The following DGKK variants were observed in gnomAD, a reference collection of about 807,000 sequenced individuals.
DGKK encodes the protein 142 kDa diacylglycerol kinase.
Under a neutral mutation model 92.2 loss-of-function variants are expected in DGKK, and 35 were observed. That is an observed-to-expected ratio of 0.38 (90% CI 0.29 to 0.50). The LOEUF (loss-of-function observed/expected upper bound fraction) is 0.50. Ranked by LOEUF, DGKK falls within the 20% of genes least tolerant of loss-of-function variation. The pLI is 0.92. For synonymous variants in DGKK, 368 were observed against 360.6 expected (o/e 1.02, Z -0.23); for missense variants, 910 against 992.2 (o/e 0.92, Z 1.11).
At position 50,468,757 on chromosome X, in the gene DGKK, A is replaced by G. The variant is rs534632783; in HGVS notation, c.645+1277T>C. ...CCTCCCCTCCCGCATTCTACATTCT[A>G]TAAGTGTGCGGTCCACAGCAGAAGG... On this transcript the variant is annotated intron_variant, in intron 1 of 27. Coordinates refer to ENST00000611977, the MANE Select transcript of DGKK (RefSeq NM_001013742.4). 1.5e-4 allele frequency among the ~76,000 whole-genome samples: 17 copies of G among 110,061 alleles called. No individual in the cohort carries two copies. In the South Asian group the frequency reaches 2.4e-3, roughly 16 times the overall value.
chrX:50,417,101 G>A (rs1416187831), intron 4 of DGKK, among the ~76,000 whole-genome samples: 1 of 104,937 alleles, frequency 9.5e-6, no homozygotes, highest in African/African-American at 3.5e-5. Flanking sequence ...GAATTTTGAA[G>A]TTCATCTAGT....
At chrX:50,441,086 C>T (rs190494773) in intron 1 of DGKK, among the ~76,000 whole-genome samples, 1 of 111,426 alleles carries the variant, frequency 9.0e-6, no homozygotes, top group East Asian at 2.8e-4. Context: ...CATGGTGAAA[C>T]TCTTTTCCAG....
At chrX:50,403,446 G>A (rs781821255) in intron 6 of DGKK, 45 bp downstream of exon 6, 1 of 1,105,866 alleles carries the variant, frequency 9.0e-7, no homozygotes, top group East Asian at 3.0e-5. Context: ...TGGTTGAAGG[G>A]GACATGGGAG....
At chrX:50,462,390 C>CTTTT (rs782504562) in intron 1 of DGKK, among the ~76,000 whole-genome samples, 3 of 60,463 alleles carry the variant, frequency 5.0e-5, no homozygotes, top group African/African-American at 2.2e-4. Flanking sequence ...GAAGTGAGTG[C>CTTTT]TTTTTTTTTT....
Position 50,464,717 on chromosome X carries a change from T to A in DGKK, c.645+5317A>T, listed in dbSNP as rs782097050. ...TTTTTGTTTTTGGGAGAATAATAGG[T>A]CTCTTATCTTGTGGTTAGAGGGATG... On this transcript the variant is annotated intron_variant, in intron 1 of 27. Transcript: ENST00000611977. 1.4e-4 allele frequency among the ~76,000 whole-genome samples: 15 copies of A among 111,021 alleles called. No individual in the cohort carries two copies. In the South Asian group the frequency reaches 5.8e-3, roughly 43 times the overall value.
At chrX:50,432,993 G>T (rs1766474066) in intron 1 of DGKK, among the ~76,000 whole-genome samples, 1 of 111,871 alleles carries the variant, frequency 8.9e-6, no homozygotes, top group Non-Finnish European at 1.9e-5. Flanking sequence ...TGGTAACCTG[G>T]CCCTTGGTAA....
intron 1 of DGKK, among the ~76,000 whole-genome samples, chrX:50,467,824 G>T (rs1470288502): frequency 8.9e-6 from 1 of 112,566 alleles, no homozygotes; most frequent in Non-Finnish European, 1.9e-5. Context: ...AACATTGAGG[G>T]TGTTGTAAAA....
intron 4 of DGKK, among the ~76,000 whole-genome samples, chrX:50,407,209 T>C (rs1925177309): frequency 8.9e-6 from 1 of 112,106 alleles, no homozygotes; most frequent in Non-Finnish European, 1.9e-5. Context: ...AGGTGCATCT[T>C]GGTTTCTCTT....
chrX:50,452,569 C>T (rs782481173), intron 1 of DGKK, among the ~76,000 whole-genome samples: 80 of 111,792 alleles, frequency 7.2e-4, no homozygotes, highest in African/African-American at 2.4e-3. Context: ...CAGCACAGTC[C>T]TGAGATGCAC....
Position 50,447,386 on chromosome X carries a change from A to AT in DGKK, c.645+22647dup, listed in dbSNP as rs1557232068. Among the ~76,000 whole-genome samples the AT allele has an allele frequency of 1.4e-3, 25 of 18,057 alleles. 1 individual carries two copies. Among genetic ancestry groups the AT allele is most frequent in the African/African-American group, 9.8e-3 (25 of 2,539 alleles). 15.7% of individuals were successfully genotyped at this position (18,057 alleles called of 115,157 possible). A position where few individuals can be genotyped will look rare whatever the true frequency, so the allele number is the denominator to read the frequency against. ...TATATATATTATATATATATATAAT[A>AT]TATATATATTATATATATATATAAT... On this transcript the variant is annotated intron_variant, in intron 1 of 27. Transcript: ENST00000611977.
rs945797339 is a variant in DGKK, at chrX:50,367,056, T to G, written c.*1884A>C. ...TATCCCCTTGTTAATATTTTTCTCCTCACCCCTGCGGAGGTGGAGCACAGG... is the reference window on the plus strand; with the variant it reads ...TATCCCCTTGTTAATATTTTTCTCCGCACCCCTGCGGAGGTGGAGCACAGG... On this transcript the variant is annotated 3_prime_UTR_variant, in exon 28 of 28. Coordinates refer to ENST00000611977, the MANE Select transcript of DGKK (RefSeq NM_001013742.4). 30 of 112,308 alleles carry G rather than the reference T, an allele frequency of 2.7e-4. No homozygotes were observed. The highest frequency in any genetic ancestry group is 9.7e-4 in the African/African-American group (30 of 30,889). The allele number at this position is 112,308 out of a possible 1,213,427, so 9.3% of individuals were successfully genotyped here.
At chrX:50,446,127 A>G (rs1811157611) in intron 1 of DGKK, among the ~76,000 whole-genome samples, 1 of 110,633 alleles carries the variant, frequency 9.0e-6, no homozygotes, top group Non-Finnish European at 1.9e-5. Context: ...TTCTAGATTG[A>G]TTTTGTATCT....
At chrX:50,385,475 C>T (rs1233020957) in intron 15 of DGKK, among the ~76,000 whole-genome samples, 3 of 112,025 alleles carry the variant, frequency 2.7e-5, no homozygotes, top group East Asian at 2.8e-4. Context: ...GGGTTGGTTG[C>T]GACAGTTATG....
chrX:50,402,337 G>A (rs1194778617), intron 7 of DGKK, among the ~76,000 whole-genome samples: 1 of 111,838 alleles, frequency 8.9e-6, no homozygotes, highest in African/African-American at 3.3e-5. Context: ...CACCTCACAC[G>A]AGCCCAGGAG....
In DGKK at chrX:50,367,173, G is replaced by A. The variant is rs1407766521; in HGVS notation, c.*1767C>T. The A allele has an allele frequency of 3.6e-5, 4 of 111,364 alleles. No homozygotes were observed. The highest frequency in any genetic ancestry group is 7.5e-5 in the Non-Finnish European group (4 of 53,124). The allele number at this position is 111,364 out of a possible 1,213,427, so 9.2% of individuals were successfully genotyped here. On this transcript the variant is annotated 3_prime_UTR_variant, in exon 28 of 28. Transcript: ENST00000611977. ...TGTGCACCTCAATGAACCAGCCATTGGACTGAATCAGGTAATTGAGCACGC... is the reference window on the plus strand; with the variant it reads ...TGTGCACCTCAATGAACCAGCCATTAGACTGAATCAGGTAATTGAGCACGC...
intron 8 of DGKK, among the ~76,000 whole-genome samples, chrX:50,395,791 C>A (rs1602276016): frequency 1.4e-5 from 1 of 71,172 alleles, no homozygotes; most frequent in African/African-American, 8.0e-5. Flanking sequence ...TTGTCTAGAA[C>A]ATTGGCAAAA....
chrX:50,446,173 G>A (rs1232280242), intron 1 of DGKK, among the ~76,000 whole-genome samples: 1 of 110,850 alleles, frequency 9.0e-6, no homozygotes, highest in African/African-American at 3.3e-5. Flanking sequence ...AGCTGAAGGA[G>A]TTTTGGGGCC....
In DGKK at chrX:50,403,234, A is replaced by G; in HGVS notation, c.1186-51T>C. 2.6e-6 allele frequency: 3 copies of G among 1,138,471 alleles called. No homozygotes were observed. The South Asian group carries it at 6.3e-5, about 24-fold the overall frequency. 93.8% of individuals were successfully genotyped at this position (1,138,471 alleles called of 1,213,427 possible). Reference sequence around the variant, plus strand: ...AGGTAGAAGTTAGAGACATAAGGAGAGGAAGGGCCAACTGGAATAATTGTA... The same window carrying G: ...AGGTAGAAGTTAGAGACATAAGGAGGGGAAGGGCCAACTGGAATAATTGTA... On this transcript the variant is annotated intron_variant, in intron 6 of 27. Coordinates refer to ENST00000611977, the MANE Select transcript of DGKK (RefSeq NM_001013742.4).
At chrX:50,371,530 C>G (rs1473535073) in intron 26 of DGKK, among the ~76,000 whole-genome samples, 194 bp downstream of exon 26, 1 of 111,749 alleles carries the variant, frequency 8.9e-6, no homozygotes, top group Non-Finnish European at 1.9e-5. Flanking sequence ...TACATGTTTT[C>G]TGCCTTACCC....
Sources: gnomAD v4.1 joint callset for allele counts (sites outside exome capture counted in the v4.1 genomes callset) on GRCh38, gnomAD v4.1.1 for gene constraint, MANE v1.5 for transcripts, NCBI Gene and HGNC (gene_info 2026-07-23, HGNC 2026-07-21) for gene names.